Variants in STAT4 observed in about 807,000 individuals in gnomAD.
STAT4 encodes the protein signal transducer and activator of transcription 4.
A neutral mutation model predicts 110.5 loss-of-function variants in STAT4; 42 were observed. The ratio of observed to expected loss-of-function variants is 0.38; its 90% CI spans 0.30 to 0.49. The LOEUF (loss-of-function observed/expected upper bound fraction) is 0.49, where lower values mean the gene tolerates loss of function less well. STAT4 is among the 20% of genes least tolerant of loss of function. STAT4 has a pLI of 0.95. For missense variants in STAT4, 632 were observed against 887.9 expected (o/e 0.71, Z 3.66); for synonymous variants, 284 against 302.2 (o/e 0.94, Z 0.63).
In STAT4 at chr2:191,110,407, G is replaced by A. The variant is rs553269447; in HGVS notation, c.274-34082C>T. Among the ~76,000 whole-genome samples, 9 of 152,204 alleles carry A rather than the reference G, an allele frequency of 5.9e-5. No individual in the cohort carries two copies. The East Asian group carries it at 1.5e-3, about 26-fold the overall frequency. ...AATGTCTTCTATATGCCTTGTGCTC[G>A]CACATATCATCTCATTCAAAGCCTA... On this transcript the variant is annotated intron_variant, in intron 3 of 23. Transcript: ENST00000392320. This position sits in a 1 kb window ranked among gnomAD's most constrained non-coding sequence, Gnocchi z 4.5.
In STAT4 at chr2:191,076,272, T is replaced by C; in HGVS notation, c.327A>G (p.Leu109=). ...MHVAVVISNC[L]REERRILAAA... ...CAGCCAATATTCTCCTCTCTTCCCTTAAACAGTTTGAAATAACCACAGCTA... is the reference window on the plus strand; with the variant it reads ...CAGCCAATATTCTCCTCTCTTCCCTCAAACAGTTTGAAATAACCACAGCTA... Residue 109 remains leucine (L), a synonymous_variant, in exon 4 of 24, where the codon TTA becomes TTG. Coordinates refer to ENST00000392320, the MANE Select transcript of STAT4 (RefSeq NM_003151.4). 1 of 1,613,770 alleles carries C rather than the reference T, an allele frequency of 6.2e-7. No homozygotes were observed. The highest frequency in any genetic ancestry group is 8.5e-7 in the Non-Finnish European group (1 of 1,179,888).
chr2:191,040,953 T>A (rs1358061795), intron 15 of STAT4, 112 bp downstream of exon 15: 2 of 630,618 alleles, frequency 3.2e-6, no homozygotes, highest in African/African-American at 3.8e-5. Context: ...TAAAACAAAA[T>A]AATGAATATG....
At position 191,058,860 on chromosome 2, in the gene STAT4, G is replaced by T; in HGVS notation, c.1035-91C>A. ...ATATTTAAACATTTAAATATACTAT[G>T]AAATATGCATATAAATAAACCTTAC... On this transcript the variant is annotated intron_variant, in intron 10 of 23. Transcript: ENST00000392320. The surrounding 1 kb of genome is among the most constrained non-coding windows in gnomAD (Gnocchi z 4.3). 1.4e-6 allele frequency: 1 copy of T among 703,748 alleles called. No homozygotes were observed. Among genetic ancestry groups the T allele is most frequent in the Non-Finnish European group, 2.4e-6 (1 of 414,732 alleles). The allele number at this position is 703,748 out of a possible 1,614,324, so 43.6% of individuals were successfully genotyped here.
chr2:191,041,060 C>A lies in STAT4; in HGVS notation c.1335+5G>T, dbSNP rs1696184373. 4.9e-6 allele frequency: 7 copies of A among 1,438,166 alleles called. No individual in the cohort carries two copies. Among genetic ancestry groups the A allele is most frequent in the South Asian group, 1.7e-5 (1 of 60,450 alleles). The allele number at this position is 1,438,166 out of a possible 1,614,324, so 89.1% of individuals were successfully genotyped here. On this transcript the variant is annotated splice_donor_5th_base_variant and intron_variant, in intron 15 of 23. Coordinates refer to ENST00000392320, the MANE Select transcript of STAT4 (RefSeq NM_003151.4). ...GTAAATAGTGTATGTTCTTGAAACACCTACCTCCAAATCTATGGTCAGGCC... is the reference window on the plus strand; with the variant it reads ...GTAAATAGTGTATGTTCTTGAAACAACTACCTCCAAATCTATGGTCAGGCC...
At chr2:191,055,498 C>T (rs1007678829) in intron 13 of STAT4, among the ~76,000 whole-genome samples, 3 of 150,128 alleles carry the variant, frequency 2.0e-5, no homozygotes, top group African/African-American at 7.4e-5. Flanking sequence ...GGATTACAGG[C>T]GTGAGCCACT....
chr2:191,103,642 T>C lies in STAT4; in HGVS notation c.274-27317A>G, dbSNP rs145538156. Among the ~76,000 whole-genome samples, 789 of 152,292 alleles carry C rather than the reference T, an allele frequency of 5.2e-3. 6 individuals carry two copies. Among genetic ancestry groups the C allele is most frequent in the African/African-American group, 0.018 (751 of 41,572 alleles). ...TAATTTAATTTTTAAAAAATGGTAG[T>C]CATTATTATGGTTACCAAGAAAAAC... On this transcript the variant is annotated intron_variant, in intron 3 of 23. Coordinates refer to ENST00000392320, the MANE Select transcript of STAT4 (RefSeq NM_003151.4).
In STAT4 at chr2:191,116,317, T is replaced by C. The variant is rs116032856; in HGVS notation, c.273+30296A>G. ...TATCACCTGTACATTTCATCCTAAA[T>C]TAATGCCCTTGTCAGCTGGTCTTGT... On this transcript the variant is annotated intron_variant, in intron 3 of 23. Transcript: ENST00000392320. This position sits in a 1 kb window ranked among gnomAD's most constrained non-coding sequence, Gnocchi z 4.1. Among the ~76,000 whole-genome samples the C allele has an allele frequency of 4.9e-4, 74 of 152,336 alleles. No homozygotes were observed. The highest frequency in any genetic ancestry group is 1.7e-3 in the African/African-American group (71 of 41,578).
Position 191,140,777 on chromosome 2 carries a change from C to A in STAT4, c.273+5836G>T, listed in dbSNP as rs188160622. 6.6e-6 allele frequency among the ~76,000 whole-genome samples: 1 copy of A among 152,254 alleles called. No homozygotes were observed. Among genetic ancestry groups the A allele is most frequent in the East Asian group, 1.9e-4 (1 of 5,190 alleles). On this transcript the variant is annotated intron_variant, in intron 3 of 23. Coordinates refer to ENST00000392320, the MANE Select transcript of STAT4 (RefSeq NM_003151.4). This position sits in a 1 kb window ranked among gnomAD's most constrained non-coding sequence, Gnocchi z 4.4. ...AAAAGAAATCATTATATAAAAAATA[C>A]ACACGCACAACCATGTTTATAGCAG...
chr2:191,114,933 T>C (rs1242213078), intron 3 of STAT4, among the ~76,000 whole-genome samples: 1 of 152,216 alleles, frequency 6.6e-6, no homozygotes, highest in Non-Finnish European at 1.5e-5. Flanking sequence ...TTATTGCCAT[T>C]GTTATTTTTT....
intron 3 of STAT4, among the ~76,000 whole-genome samples, chr2:191,114,489 T>G (rs1041873050): frequency 2.6e-5 from 4 of 152,226 alleles, no homozygotes; most frequent in African/African-American, 9.6e-5. Flanking sequence ...ATCGTTTTTC[T>G]TACTGTTCTA....
At chr2:191,094,917 C>CAAAAAAAAAAAAA (rs1165913847) in intron 3 of STAT4, among the ~76,000 whole-genome samples, 1 of 77,920 alleles carries the variant, frequency 1.3e-5, no homozygotes, top group Admixed American at 1.5e-4. Context: ...AAATGGAAAG[C>CAAAAAAAAAAAAA]AAAAAAAAAA....
chr2:191,033,373 A>G lies in STAT4; in HGVS notation c.1852+117T>C. 1 of 1,280,156 alleles carries G rather than the reference A, an allele frequency of 7.8e-7. No homozygotes were observed. Among genetic ancestry groups the G allele is most frequent in the Non-Finnish European group, 1.1e-6 (1 of 939,380 alleles). The allele number at this position is 1,280,156 out of a possible 1,614,324, so 79.3% of individuals were successfully genotyped here. ...AGACAACTGCAACTACTAATATTCAAGCCCACTGAATACATCACAGACAGA... is the reference window on the plus strand; with the variant it reads ...AGACAACTGCAACTACTAATATTCAGGCCCACTGAATACATCACAGACAGA... On this transcript the variant is annotated intron_variant, in intron 20 of 23. Transcript: ENST00000392320. The surrounding 1 kb of genome is among the most constrained non-coding windows in gnomAD (Gnocchi z 6.9).
Position 191,147,794 on chromosome 2 carries a change from C to A in STAT4, c.128+282G>T, listed in dbSNP as rs1237379221. 6.6e-6 allele frequency among the ~76,000 whole-genome samples: 1 copy of A among 151,964 alleles called. No individual in the cohort carries two copies. The highest frequency in any genetic ancestry group is 2.4e-5 in the African/African-American group (1 of 41,348). ...CATTGAGTCTGTGATAGAGAACTGA[C>A]AATCAATTGATTTGCTTCTTTTTTT... On this transcript the variant is annotated intron_variant, in intron 2 of 23. Transcript: ENST00000392320. This position sits in a 1 kb window ranked among gnomAD's most constrained non-coding sequence, Gnocchi z 4.1.
At chr2:191,105,832 G>A (rs1698263396) in intron 3 of STAT4, among the ~76,000 whole-genome samples, 1 of 152,190 alleles carries the variant, frequency 6.6e-6, no homozygotes, top group Non-Finnish European at 1.5e-5. Context: ...TGGACAGTTA[G>A]GTAGTTCCTG....
At chr2:191,084,333 A>C (rs1324396750) in intron 3 of STAT4, among the ~76,000 whole-genome samples, 1 of 151,964 alleles carries the variant, frequency 6.6e-6, no homozygotes, top group Non-Finnish European at 1.5e-5. Context: ...CTTAGAGTTG[A>C]GCCATTAGGA....
chr2:191,085,800 T>C (rs932448951), intron 3 of STAT4, among the ~76,000 whole-genome samples: 2 of 152,230 alleles, frequency 1.3e-5, no homozygotes, highest in Non-Finnish European at 2.9e-5. Flanking sequence ...GCTGACCCAA[T>C]ATCAAGTAGA....
At position 191,051,631 on chromosome 2, in the gene STAT4, G is replaced by A. The variant is rs906960290; in HGVS notation, c.1251+2859C>T. On this transcript the variant is annotated intron_variant, in intron 14 of 23. Coordinates refer to ENST00000392320, the MANE Select transcript of STAT4 (RefSeq NM_003151.4). This position sits in a 1 kb window ranked among gnomAD's most constrained non-coding sequence, Gnocchi z 5.6. Reference sequence around the variant, plus strand: ...TTATTTTAAATTATGGTGTGAGACAGACATGATTTCGGAGCAGGTGGGTGA... The same window carrying A: ...TTATTTTAAATTATGGTGTGAGACAAACATGATTTCGGAGCAGGTGGGTGA... Among the ~76,000 whole-genome samples the A allele has an allele frequency of 3.3e-5, 5 of 152,222 alleles. No individual in the cohort carries two copies. The highest frequency in any genetic ancestry group is 1.2e-4 in the African/African-American group (5 of 41,458).
intron 14 of STAT4, among the ~76,000 whole-genome samples, chr2:191,049,821 A>C (rs990692857): frequency 6.6e-6 from 1 of 152,220 alleles, no homozygotes; most frequent in Non-Finnish European, 1.5e-5. Flanking sequence ...TAGCTCATAA[A>C]GCCCTCTGCT....
Position 191,146,752 on chromosome 2 carries a change from G to A in STAT4, c.134C>T (p.Ala45Val). The A allele has an allele frequency of 6.5e-7, 1 of 1,529,408 alleles. No individual in the cohort carries two copies. Among genetic ancestry groups the A allele is most frequent in the Non-Finnish European group, 8.8e-7 (1 of 1,142,482 alleles). The allele number at this position is 1,529,408 out of a possible 1,614,324, so 94.7% of individuals were successfully genotyped here. A position where few individuals can be genotyped will look rare whatever the true frequency, so the allele number is the denominator to read the frequency against. The change falls in exon 3 of 24, where the codon GCA (alanine) becomes GTA (valine). Residue 45 changes from alanine (A) to valine (V), a missense_variant. Transcript: ENST00000392320. The surrounding 1 kb of genome is among the most constrained non-coding windows in gnomAD (Gnocchi z 4.5). ...TGCCATGGTTTCATTGTTAGAAGCTGCCTCCCTAAAAAAAAAAAGGATTAT... is the reference window on the plus strand; with the variant it reads ...TGCCATGGTTTCATTGTTAGAAGCTACCTCCCTAAAAAAAAAAAGGATTAT... ...AQWIENQDWEAASNNETMATI... is the reference protein window; with the variant it reads ...AQWIENQDWEVASNNETMATI...
Sources: gnomAD v4.1 joint callset for allele counts (sites outside exome capture counted in the v4.1 genomes callset) on GRCh38, gnomAD v4.1.1 for gene constraint, Gnocchi (gnomAD v3.1) non-coding constraint, MANE v1.5 for transcripts, NCBI Gene and HGNC (gene_info 2026-07-23, HGNC 2026-07-21) for gene names.